Variants in RAB40B observed in about 807,000 individuals in gnomAD.
RAB40B encodes ras-related protein Rab-40B.
In RAB40B, 21 loss-of-function variants were observed where a neutral mutation model predicts 24.0. That is an observed-to-expected ratio of 0.88 (90% CI 0.62 to 1.26). RAB40B has a LOEUF of 1.26. Among genes scored for constraint, RAB40B ranks in the 50% most tolerant of loss-of-function variants. The probability of loss-of-function intolerance (pLI) is 0.00; values close to 1 mark genes in which losing one functional copy is unlikely to be tolerated. For missense variants in RAB40B, 348 were observed against 390.5 expected (o/e 0.89, Z 0.92); for synonymous variants, 167 against 169.8 (o/e 0.98, Z 0.13).
In RAB40B at chr17:82,698,659, C is replaced by G. The variant is rs768497802; in HGVS notation, c.-63G>C. 33 of 1,172,004 alleles carry G rather than the reference C, an allele frequency of 2.8e-5. No homozygotes were observed. Among genetic ancestry groups the G allele is most frequent in the South Asian group, 3.7e-5 (1 of 27,228 alleles). 72.6% of individuals were successfully genotyped at this position (1,172,004 alleles called of 1,614,324 possible). A position where few individuals can be genotyped will look rare whatever the true frequency, so the allele number is the denominator to read the frequency against. Reference sequence around the variant, plus strand: ...GGGGCTGAGCGCAGAGGCGGCGGCCCGGCCCCGAGAGGCGCCGCGCGGGCC... The same window carrying G: ...GGGGCTGAGCGCAGAGGCGGCGGCCGGGCCCCGAGAGGCGCCGCGCGGGCC... On this transcript the variant is annotated 5_prime_UTR_variant, in exon 1 of 6. Transcript: ENST00000571995.
chr17:82,684,975 G>A (rs1310502173), intron 1 of RAB40B, among the ~76,000 whole-genome samples: 3 of 151,766 alleles, frequency 2.0e-5, no homozygotes, highest in Non-Finnish European at 4.4e-5. Context: ...TTACCCGGGC[G>A]TGGTGGCAGG....
intron 2 of RAB40B, chr17:82,662,797 TG>T (rs1568031123): frequency 1.0e-6 from 1 of 985,074 alleles, no homozygotes; most frequent in African/African-American, 1.7e-5. Context: ...ACTGGGCAGC[TG>T]GGGTCAGGGA....
chr17:82,689,966 CAAA>C (rs34923378), intron 1 of RAB40B, among the ~76,000 whole-genome samples: 1 of 139,814 alleles, frequency 7.2e-6, no homozygotes. Flanking sequence ...AACTTCATCT[CAAA>C]AAAAAAAAAA....
At chr17:82,659,821 T>G in intron 3 of RAB40B, 164 bp from the exon 4 acceptor site, 1 of 623,934 alleles carries the variant, frequency 1.6e-6, no homozygotes, top group Non-Finnish European at 2.9e-6. Flanking sequence ...TCATTTTCAG[T>G]GATATTTCAT....
intron 3 of RAB40B, among the ~76,000 whole-genome samples, chr17:82,659,942 T>C (rs2046141046): frequency 6.6e-6 from 1 of 152,218 alleles, no homozygotes; most frequent in African/African-American, 2.4e-5. Context: ...TCGCCACCTC[T>C]CGAGGAGTGT....
chr17:82,670,067 C>T (rs551842677), intron 1 of RAB40B, among the ~76,000 whole-genome samples: 2 of 152,206 alleles, frequency 1.3e-5, no homozygotes, highest in Non-Finnish European at 2.9e-5. Context: ...CTCACCCCCA[C>T]GGGCTGAGAG....
At position 82,667,915 on chromosome 17, in the gene RAB40B, C is replaced by G. The variant is rs1342825176; in HGVS notation, c.143-3359G>C. On this transcript the variant is annotated intron_variant, in intron 1 of 5. Transcript: ENST00000571995. This position sits in a 1 kb window ranked among gnomAD's most constrained non-coding sequence, Gnocchi z 4.3. ...CAGGCACGCTGAGTGCACCGTCTGTCTCTCTCTTCTTGGCATGGGCGCTGA... is the reference window on the plus strand; with the variant it reads ...CAGGCACGCTGAGTGCACCGTCTGTGTCTCTCTTCTTGGCATGGGCGCTGA... Among the ~76,000 whole-genome samples the G allele has an allele frequency of 6.6e-6, 1 of 152,100 alleles. No individual in the cohort carries two copies. The highest frequency in any genetic ancestry group is 1.5e-5 in the Non-Finnish European group (1 of 68,024).
chr17:82,671,469 T>C (rs12947411), intron 1 of RAB40B, among the ~76,000 whole-genome samples: 2,534 of 62,410 alleles, frequency 0.041, 66 homozygotes, highest in Middle Eastern at 0.093. Context: ...CCCCTGTAAC[T>C]CTAACACACA....
At chr17:82,671,500 A>G (rs2046335211) in intron 1 of RAB40B, among the ~76,000 whole-genome samples, 1 of 108,146 alleles carries the variant, frequency 9.2e-6, no homozygotes, top group Admixed American at 1.0e-4. Context: ...CCCTGTACTC[A>G]CTGACACACC....
In RAB40B at chr17:82,656,451, A is replaced by G. The variant is rs1467143522; in HGVS notation, c.*1412T>C. On this transcript the variant is annotated 3_prime_UTR_variant, in exon 6 of 6. Coordinates refer to ENST00000571995, the MANE Select transcript of RAB40B (RefSeq NM_006822.3). Reference sequence around the variant, plus strand: ...TGAGGCAGTCGGGGTCAGGGGCTACATCTTCATGCGGAATTCCTGACAGCC... The same window carrying G: ...TGAGGCAGTCGGGGTCAGGGGCTACGTCTTCATGCGGAATTCCTGACAGCC... 6.6e-6 allele frequency: 1 copy of G among 152,140 alleles called. No homozygotes were observed. The highest frequency in any genetic ancestry group is 1.9e-4 in the East Asian group (1 of 5,192). The allele number at this position is 152,140 out of a possible 1,614,324, so 9.4% of individuals were successfully genotyped here. A position where few individuals can be genotyped will look rare whatever the true frequency, so the allele number is the denominator to read the frequency against.
chr17:82,697,307 CAG>C lies in RAB40B; in HGVS notation c.142+1146_142+1147del, dbSNP rs2046619808. 1.3e-5 allele frequency among the ~76,000 whole-genome samples: 2 copies of C among 152,138 alleles called. No homozygotes were observed. Among genetic ancestry groups the C allele is most frequent in the South Asian group, 4.1e-4 (2 of 4,822 alleles). Reference sequence around the variant, plus strand: ...CCTGCCTGGAGCTGCCCTTAGGGGACAGCCTGCACCCTCTACCGAGCAGCCTC... The same window carrying C: ...CCTGCCTGGAGCTGCCCTTAGGGGACCCTGCACCCTCTACCGAGCAGCCTC... On this transcript the variant is annotated intron_variant, in intron 1 of 5. Coordinates refer to ENST00000571995, the MANE Select transcript of RAB40B (RefSeq NM_006822.3). This position sits in a 1 kb window ranked among gnomAD's most constrained non-coding sequence, Gnocchi z 4.9.
In RAB40B at chr17:82,658,097, C is replaced by T. The variant is rs750050902; in HGVS notation, c.603G>A (p.Val201=). ...SLQDLCCRAV[V]SCTPVHLVDK... ...CCACCAGGTGCACCGGCGTGCAGGA[C>T]ACGACCGCCCGGCAGCAGAGGTCTT... The change falls in exon 6 of 6, where the codon GTG becomes GTA. Residue 201 remains valine (V), a synonymous_variant. Transcript: ENST00000571995. 1 of 1,614,168 alleles carries T rather than the reference C, an allele frequency of 6.2e-7. No homozygotes were observed. The highest frequency in any genetic ancestry group is 1.7e-5 in the Admixed American group (1 of 60,020).
intron 4 of RAB40B, 189 bp from the exon 5 acceptor site, chr17:82,658,902 G>C: frequency 1.7e-6 from 1 of 589,346 alleles, no homozygotes. Flanking sequence ...CACTGAATTA[G>C]GGCCCTCATC....
At chr17:82,688,838 G>A (rs896505107) in intron 1 of RAB40B, among the ~76,000 whole-genome samples, 1 of 152,178 alleles carries the variant, frequency 6.6e-6, no homozygotes, top group Admixed American at 6.5e-5. Context: ...GGACACTGAG[G>A]CAGGAAAATT....
At chr17:82,687,660 G>A (rs763072920) in intron 1 of RAB40B, among the ~76,000 whole-genome samples, 25 of 152,166 alleles carry the variant, frequency 1.6e-4, no homozygotes, top group Non-Finnish European at 1.0e-4. Flanking sequence ...GGACATGGCC[G>A]CCAGCTTCTG....
At chr17:82,666,694 G>A (rs2046261959) in intron 1 of RAB40B, among the ~76,000 whole-genome samples, 2 of 152,082 alleles carry the variant, frequency 1.3e-5, no homozygotes, top group Non-Finnish European at 2.9e-5. Flanking sequence ...TGGAAAGAGA[G>A]GGTTTGAGTT....
chr17:82,680,688 A>C (rs2046440414), intron 1 of RAB40B, among the ~76,000 whole-genome samples: 2 of 152,244 alleles, frequency 1.3e-5, no homozygotes, highest in South Asian at 4.1e-4. Flanking sequence ...GATATATGTA[A>C]TTTTAACATT....
chr17:82,689,979 A>AG (rs2046539365), intron 1 of RAB40B, among the ~76,000 whole-genome samples: 2 of 151,882 alleles, frequency 1.3e-5, no homozygotes, highest in African/African-American at 2.4e-5. Flanking sequence ...AAAAAAAAAA[A>AG]AAGAAGTAGA....
chr17:82,687,468 A>T (rs1021413996), intron 1 of RAB40B, among the ~76,000 whole-genome samples: 1 of 152,204 alleles, frequency 6.6e-6, no homozygotes, highest in Non-Finnish European at 1.5e-5. Context: ...ATTCAGGAGC[A>T]AACTTTGCTG....
Sources: allele counts gnomAD v4.1 joint callset (sites outside exome capture counted in the v4.1 genomes callset), GRCh38; gene constraint gnomAD v4.1.1; non-coding constraint Gnocchi (gnomAD v3.1); transcripts MANE v1.5; gene names NCBI Gene and HGNC (gene_info 2026-07-23, HGNC 2026-07-21).